METTL14: variants seen among roughly 807,000 people sequenced by gnomAD.
METTL14 encodes N(6)-adenosine-methyltransferase non-catalytic subunit METTL14.
A neutral mutation model predicts 62.4 loss-of-function variants in METTL14; 32 were observed. That is an observed-to-expected ratio of 0.51 (90% CI 0.39 to 0.69). The LOEUF (loss-of-function observed/expected upper bound fraction) is 0.69. Ranked by LOEUF, METTL14 falls within the 30% of genes least tolerant of loss-of-function variation. The pLI is 0.00. For synonymous variants in METTL14, 150 were observed against 180.0 expected (o/e 0.83, Z 1.34); for missense variants, 340 against 551.9 (o/e 0.62, Z 3.85).
At chr4:118,686,867 A>G (rs1005039120) in intron 1 of METTL14, among the ~76,000 whole-genome samples, 1 of 152,186 alleles carries the variant, frequency 6.6e-6, no homozygotes, top group African/African-American at 2.4e-5. Context: ...AATTGGTTGC[A>G]CTCTACTTAG....
intron 2 of METTL14, among the ~76,000 whole-genome samples, chr4:118,688,441 CAAA>C (rs10549507): frequency 8.4e-5 from 10 of 118,692 alleles, no homozygotes; most frequent in Admixed American, 2.4e-4. Flanking sequence ...GACTCCGTCT[CAAA>C]AAAAAAAAAA....
At chr4:118,691,829 G>T in intron 4 of METTL14, 152 bp from the exon 5 acceptor site, 1 of 616,572 alleles carries the variant, frequency 1.6e-6, no homozygotes, top group Non-Finnish European at 2.7e-6. Flanking sequence ...CTACTGAAAA[G>T]TAATAATTTT....
chr4:118,708,169 A>T (rs1295790716), intron 10 of METTL14, among the ~76,000 whole-genome samples: 1 of 152,206 alleles, frequency 6.6e-6, no homozygotes, highest in Non-Finnish European at 1.5e-5. Context: ...TACCTTTAGA[A>T]TTTCTGATAA....
At chr4:118,705,439 A>T (rs1191695637) in intron 9 of METTL14, among the ~76,000 whole-genome samples, 172 bp from the exon 10 acceptor site, 1 of 152,144 alleles carries the variant, frequency 6.6e-6, no homozygotes, top group East Asian at 1.9e-4. Context: ...GTGCTACTGT[A>T]CTCCAGCCTG....
chr4:118,705,602 G>A lies in METTL14; in HGVS notation c.856-9G>A. ...AAAACAGATTAATTGGTCTGCTCTT[G>A]TTATTTAGGAACACTGCCTCATGGG... On this transcript the variant is annotated splice_polypyrimidine_tract_variant and intron_variant, in intron 9 of 10. Transcript: ENST00000388822. The A allele has an allele frequency of 6.2e-7, 1 of 1,611,894 alleles. No homozygotes were observed. Among genetic ancestry groups the A allele is most frequent in the Non-Finnish European group, 8.5e-7 (1 of 1,178,140 alleles).
rs1724880126 is a variant in METTL14 at position 118,710,262 on chromosome 4, G to T, written c.1331G>T (p.Gly444Val). ...FRGERGGFRGGRGGAHRGGFP... is the reference protein window; with the variant it reads ...FRGERGGFRGVRGGAHRGGFP... ...GGAGAAAGAGGTGGCTTTAGAGGGG[G>T]CCGTGGAGGAGCACACAGAGGTGGC... is the stretch of plus-strand genomic sequence containing the variant. The change falls in exon 11 of 11, where the codon GGC (glycine) becomes GTC (valine). Residue 444 changes from glycine to valine, a missense_variant. This residue lies in a region of METTL14 where 44 missense variants were observed against 56.4 expected (regional missense o/e 0.78). Transcript: ENST00000388822. 1 of 1,613,996 alleles carries T rather than the reference G, an allele frequency of 6.2e-7. No homozygotes were observed. The highest frequency in any genetic ancestry group is 1.7e-5 in the Admixed American group (1 of 60,008).
intron 8 of METTL14, among the ~76,000 whole-genome samples, chr4:118,702,938 TTTATTATTATTA>T (rs70944804): frequency 7.3e-4 from 99 of 135,148 alleles, no homozygotes; most frequent in South Asian, 9.9e-4. Flanking sequence ...GTTGGAAGGT[TTTATTATTATTA>T]TTATTATTAT....
intron 4 of METTL14, 145 bp downstream of exon 4, chr4:118,691,757 A>G (rs1238620105): frequency 3.4e-6 from 2 of 590,872 alleles, no homozygotes; most frequent in South Asian, 2.7e-5. Context: ...AAAATTACTC[A>G]TGAAATAGTC....
chr4:118,705,383 G>A (rs1724725041), intron 9 of METTL14, among the ~76,000 whole-genome samples: 2 of 152,116 alleles, frequency 1.3e-5, no homozygotes, highest in Admixed American at 1.3e-4. Context: ...GCTGAGGCGG[G>A]GGATTGCTTG....
intron 10 of METTL14, among the ~76,000 whole-genome samples, chr4:118,706,228 T>G (rs1724753121): frequency 6.6e-6 from 1 of 152,222 alleles, no homozygotes; most frequent in South Asian, 2.1e-4. Context: ...TTCACGGCCC[T>G]AAAAATCCTC....
rs1180748893 is a variant in METTL14 at position 118,715,429 on chromosome 4, A to G, written c.*5127A>G. The G allele has an allele frequency of 6.6e-6, 1 of 152,176 alleles. No homozygotes were observed. The highest frequency in any genetic ancestry group is 1.5e-5 in the Non-Finnish European group (1 of 68,044). 9.4% of individuals were successfully genotyped at this position (152,176 alleles called of 1,614,324 possible). ...TTAATAATAAAAAGATTTTTAATGT[A>G]ATAATATTGCTCATAATTCATGAAA... On this transcript the variant is annotated 3_prime_UTR_variant, in exon 11 of 11. Transcript: ENST00000388822.
chr4:118,700,770 AG>A, intron 8 of METTL14, 128 bp downstream of exon 8: 1 of 610,628 alleles, frequency 1.6e-6, no homozygotes, highest in Non-Finnish European at 2.7e-6. Flanking sequence ...TAAAATAGTG[AG>A]AAAAAAAAAA....
At chr4:118,706,781 G>A (rs1260854598) in intron 10 of METTL14, among the ~76,000 whole-genome samples, 3 of 152,198 alleles carry the variant, frequency 2.0e-5, no homozygotes, top group Non-Finnish European at 2.9e-5. Context: ...TTTAGTGTGT[G>A]TGTAGTGGTA....
At chr4:118,697,552 G>C (rs1724450653) in intron 7 of METTL14, among the ~76,000 whole-genome samples, 1 of 152,060 alleles carries the variant, frequency 6.6e-6, no homozygotes, top group South Asian at 2.1e-4. Flanking sequence ...CAAGTGAATA[G>C]GCTGTAGAAG....
chr4:118,702,501 C>A (rs1348993820), intron 8 of METTL14, among the ~76,000 whole-genome samples: 1 of 151,994 alleles, frequency 6.6e-6, no homozygotes, highest in Non-Finnish European at 1.5e-5. Flanking sequence ...TTCTGCTGGG[C>A]GCAGTGGCTC....
chr4:118,687,843 A>G, intron 1 of METTL14, 80 bp from the exon 2 acceptor site: 1 of 1,058,090 alleles, frequency 9.5e-7, no homozygotes, highest in South Asian at 1.4e-5. Flanking sequence ...TAAGTATTTA[A>G]TGTATTAAAT....
At chr4:118,708,460 G>C (rs1724824742) in intron 10 of METTL14, among the ~76,000 whole-genome samples, 1 of 152,176 alleles carries the variant, frequency 6.6e-6, no homozygotes, top group Admixed American at 6.5e-5. Flanking sequence ...TTAATAGTCA[G>C]TGAGAGCCCA....
intron 9 of METTL14, among the ~76,000 whole-genome samples, chr4:118,704,350 A>G (rs1724693288): frequency 6.6e-6 from 1 of 152,098 alleles, no homozygotes; most frequent in Non-Finnish European, 1.5e-5. Flanking sequence ...TTCTAGGCTC[A>G]GAAAGAAGAG....
chr4:118,697,222 C>G lies in METTL14; in HGVS notation c.544C>G (p.Leu182Val). Residue 182 changes from leucine (L) to valine (V), a missense_variant, in exon 7 of 11, where the codon CTA becomes GTA. Physicochemically the swap from Leu to Val is conservative, Grantham distance 32 (BLOSUM62 1). Around this residue, in one of 7 missense-constraint regions of METTL14, gnomAD observed 41 missense variants for 44.0 expected, o/e 0.93. Transcript: ENST00000388822. ...TATAGAAGCCTTTGACATCAGAGAA[C>G]TAACACCCAAATTTGATGTGATTCT... ...ADIEAFDIRE[L>V]TPKFDVILLE... 6.2e-7 allele frequency: 1 copy of G among 1,611,856 alleles called. No homozygotes were observed. Among genetic ancestry groups the G allele is most frequent in the Non-Finnish European group, 8.5e-7 (1 of 1,178,922 alleles).
Sources: gnomAD v4.1 joint callset for allele counts (sites outside exome capture counted in the v4.1 genomes callset) on GRCh38, gnomAD v4.1.1 for gene constraint, gnomAD v4.1.1 regional missense constraint, MANE v1.5 for transcripts, NCBI Gene and HGNC (gene_info 2026-07-23, HGNC 2026-07-21) for gene names.